SNAPC4: variants seen among roughly 807,000 people sequenced by gnomAD.
SNAPC4 encodes small nuclear RNA activating complex polypeptide 4, also known as snRNA-activating protein complex subunit 4.
SNAPC4 carries 127 observed loss-of-function variants against 151.3 expected under a neutral mutation model. The ratio of observed to expected loss-of-function variants is 0.84; its 90% CI spans 0.73 to 0.97. SNAPC4 has a LOEUF of 0.97. Among genes scored for constraint, SNAPC4 ranks in the 50% least tolerant of loss-of-function variants. SNAPC4 has a pLI of 0.00. For missense variants in SNAPC4, 2,186 were observed against 1,935.0 expected (o/e 1.13, Z -2.43); for synonymous variants, 1,002 against 824.4 (o/e 1.22, Z -3.69).
At position 136,392,695 on chromosome 9, in the gene SNAPC4, C is replaced by G; in HGVS notation, c.715G>C (p.Glu239Gln). The change falls in exon 8 of 24, where the codon GAG (glutamate) becomes CAG (glutamine). Residue 239 changes from glutamate to glutamine, a missense_variant. Coordinates refer to ENST00000684778, the MANE Select transcript of SNAPC4 (RefSeq NM_003086.4). ...CACTTGATGTCCTGGATCTCCTTCT[C>G]GGCTTCCCTGCCCTGCTTCTCCAGG... ...QALEKQGREAEKEIQDINQLP... is the reference protein window; with the variant it reads ...QALEKQGREAQKEIQDINQLP... 1.2e-6 allele frequency: 2 copies of G among 1,613,782 alleles called. No homozygotes were observed. Among genetic ancestry groups the G allele is most frequent in the South Asian group, 2.2e-5 (2 of 91,086 alleles).
chr9:136,387,963 T>A (rs1833946131), intron 11 of SNAPC4, 115 bp from the exon 12 acceptor site: 2 of 688,520 alleles, frequency 2.9e-6, no homozygotes, highest in East Asian at 5.1e-5. Context: ...TCCAGATGGG[T>A]CACATAGAAA....
At position 136,375,629 on chromosome 9, in the gene SNAPC4, G is replaced by C. The variant is rs1240885028; in HGVS notation, c.*179C>G. On this transcript the variant is annotated 3_prime_UTR_variant, in exon 24 of 24. Coordinates refer to ENST00000684778, the MANE Select transcript of SNAPC4 (RefSeq NM_003086.4). Reference sequence around the variant, plus strand: ...CTCCAAGTGTTCAGGTGTGCACTTGGGGAACAGCCATGCTCCATGCCACAC... The same window carrying C: ...CTCCAAGTGTTCAGGTGTGCACTTGCGGAACAGCCATGCTCCATGCCACAC... 6.6e-6 allele frequency: 1 copy of C among 152,374 alleles called. No homozygotes were observed. Among genetic ancestry groups the C allele is most frequent in the African/African-American group, 2.4e-5 (1 of 41,442 alleles). 9.4% of individuals were successfully genotyped at this position (152,374 alleles called of 1,614,324 possible).
intron 1 of SNAPC4, chr9:136,398,710 G>A: frequency 2.8e-6 from 1 of 357,874 alleles, no homozygotes; most frequent in Non-Finnish European, 5.3e-6. Flanking sequence ...CACAGGCAGG[G>A]AGTGGATGAA....
chr9:136,392,195 A>C (rs1834101541), intron 9 of SNAPC4, 89 bp from the exon 10 acceptor site: 7 of 1,511,948 alleles, frequency 4.6e-6, no homozygotes, highest in Non-Finnish European at 5.5e-6. Context: ...GCTCTCCGCC[A>C]GCTGGAGGCT....
intron 20 of SNAPC4, 83 bp downstream of exon 20, chr9:136,380,657 G>C: frequency 1.3e-6 from 1 of 751,038 alleles, no homozygotes; most frequent in South Asian, 1.6e-5. Flanking sequence ...CGGGTGGGGC[G>C]GGCAGCCAGC....
chr9:136,378,546 A>G lies in SNAPC4; in HGVS notation c.3281T>C (p.Val1094Ala), dbSNP rs772643044. 3.1e-6 allele frequency: 5 copies of G among 1,593,150 alleles called. No individual in the cohort carries two copies. In the Admixed American group the frequency reaches 8.6e-5, roughly 27 times the overall value. ...GGTCCCTGCTGGCCTGGGAAGGCTC[A>G]CCACAGCTGGTACAGGAACAGGGAG... ...GLLPVPVPAV[V>A]SLPRPAGTPG... Residue 1094 changes from valine (V) to alanine (A), a missense_variant, in exon 22 of 24, where the codon GTG (valine) becomes GCG (alanine). By Grantham distance (64) the Val-to-Ala change is moderately conservative (BLOSUM62 0). Transcript: ENST00000684778.
rs370117199 is a variant in SNAPC4, at chr9:136,377,573, C to T, written c.4254G>A (p.Pro1418=). The part of the protein sequence containing the change: ...ELELADRDGQ[P]GCTTATCPIQ... ...TGGGGCATGTGGCTGTCGTGCAGCCCGGCTGCCCGTCCCTGTCTGCAAGTT... is the reference window on the plus strand; with the variant it reads ...TGGGGCATGTGGCTGTCGTGCAGCCTGGCTGCCCGTCCCTGTCTGCAAGTT... Residue 1418 remains proline, a synonymous_variant, in exon 22 of 24, where the codon CCG becomes CCA. Transcript: ENST00000684778. 92 of 1,521,962 alleles carry T rather than the reference C, an allele frequency of 6.0e-5. No homozygotes were observed. In the South Asian group the frequency reaches 7.2e-4, roughly 12 times the overall value. The allele number at this position is 1,521,962 out of a possible 1,614,324, so 94.3% of individuals were successfully genotyped here.
chr9:136,392,374 G>T, intron 9 of SNAPC4, 148 bp downstream of exon 9: 1 of 866,134 alleles, frequency 1.2e-6, no homozygotes, highest in Non-Finnish European at 1.9e-6. Flanking sequence ...CCCGACTGTG[G>T]GACATGTGCT....
intron 14 of SNAPC4, 21 bp downstream of exon 14, chr9:136,384,699 A>T (rs1206078853): frequency 1.7e-6 from 2 of 1,204,516 alleles, no homozygotes; most frequent in Admixed American, 2.2e-5. Flanking sequence ...AAACTAGAAG[A>T]ACAAACTGTC....
Position 136,380,434 on chromosome 9 carries a change from G to A in SNAPC4, c.2499+306C>T, listed in dbSNP as rs2131461762. ...TGAGGAGGCCTCGCTGAACTTCTGT[G>A]AGTTTGGTTTCTGGAGCAGAAAGGC... On this transcript the variant is annotated intron_variant, in intron 20 of 23. Coordinates refer to ENST00000684778, the MANE Select transcript of SNAPC4 (RefSeq NM_003086.4). Among the ~76,000 whole-genome samples, 3 of 152,334 alleles carry A rather than the reference G, an allele frequency of 2.0e-5. No individual in the cohort carries two copies. The South Asian group carries it at 6.2e-4, about 32-fold the overall frequency.
intron 3 of SNAPC4, 66 bp from the exon 4 acceptor site, chr9:136,395,836 C>CAGT: frequency 6.6e-7 from 1 of 1,512,166 alleles, no homozygotes; most frequent in South Asian, 1.2e-5. Flanking sequence ...CCTCGGCAGC[C>CAGT]AGTCGCCCAT....
At position 136,378,229 on chromosome 9, in the gene SNAPC4, G is replaced by A. The variant is rs147445542; in HGVS notation, c.3598C>T (p.Pro1200Ser). 5.0e-6 allele frequency: 8 copies of A among 1,611,516 alleles called. 1 individual carries two copies. In the African/African-American group the frequency reaches 8.0e-5, roughly 16 times the overall value. Residue 1200 changes from proline (P) to serine (S), a missense_variant, in exon 22 of 24, where the codon CCC becomes TCC. Physicochemically the swap from Pro to Ser is moderately conservative, Grantham distance 74 (BLOSUM62 -1). Coordinates refer to ENST00000684778, the MANE Select transcript of SNAPC4 (RefSeq NM_003086.4). ...GCTGGCAGCCTCCCGGACCAAGGGGGTTCTGCTTCAGGAGGGTCAGCGTGG... is the reference window on the plus strand; with the variant it reads ...GCTGGCAGCCTCCCGGACCAAGGGGATTCTGCTTCAGGAGGGTCAGCGTGG... ...SSHADPPEAE[P>S]PWSGRLPAFG...
Position 136,398,294 on chromosome 9 carries a change from C to G in SNAPC4, c.130+5G>C. ...ACCCCAGGAGGCTAGGTACAAGGGG[C>G]TTACCTGCTTCAGAATCTGACTCGA... On this transcript the variant is annotated splice_donor_5th_base_variant and intron_variant, in intron 2 of 23. Transcript: ENST00000684778. 7.4e-6 allele frequency: 12 copies of G among 1,612,352 alleles called. No individual in the cohort carries two copies. Among genetic ancestry groups the G allele is most frequent in the Non-Finnish European group, 1.0e-5 (12 of 1,178,774 alleles).
intron 10 of SNAPC4, among the ~76,000 whole-genome samples, chr9:136,391,684 A>C (rs1834079381): frequency 6.6e-6 from 1 of 152,154 alleles, no homozygotes; most frequent in Non-Finnish European, 1.5e-5. Flanking sequence ...AAGGAGACAA[A>C]CTCCGGTAAA....
At position 136,377,811 on chromosome 9, in the gene SNAPC4, C is replaced by T. The variant is rs375189693; in HGVS notation, c.4016G>A (p.Arg1339Gln). The change falls in exon 22 of 24, where the codon CGG becomes CAG. Residue 1339 changes from arginine (R) to glutamine (Q), a missense_variant. By Grantham distance (43) the Arg-to-Gln change is conservative. Coordinates refer to ENST00000684778, the MANE Select transcript of SNAPC4 (RefSeq NM_003086.4). ...TGAGGCTTGCAGTGCTCCGGCCGGC[C>T]GCTCAGCCTCGCCCCCCACCACCAG... is the stretch of plus-strand genomic sequence containing the variant. ...TSLVVGGEAE[R>Q]PAGALQASLG... 90 of 1,611,534 alleles carry T rather than the reference C, an allele frequency of 5.6e-5. No homozygotes were observed. Among genetic ancestry groups the T allele is most frequent in the East Asian group, 4.5e-4 (20 of 44,868 alleles).
intron 16 of SNAPC4, among the ~76,000 whole-genome samples, chr9:136,382,646 C>G (rs1833741687): frequency 6.6e-6 from 1 of 152,334 alleles, no homozygotes; most frequent in Non-Finnish European, 1.5e-5. Context: ...AGCAGCGAGC[C>G]CCATGCACCT....
chr9:136,381,485 C>T (rs948849054), intron 18 of SNAPC4, 93 bp from the exon 19 acceptor site: 6 of 1,189,174 alleles, frequency 5.0e-6, no homozygotes, highest in South Asian at 2.5e-5. Context: ...ACGTGCCTTT[C>T]GAGGCGGCTC....
At position 136,395,428 on chromosome 9, in the gene SNAPC4, GAC is replaced by G. The variant is rs769386309; in HGVS notation, c.346-7_346-6del. On this transcript the variant is annotated splice_polypyrimidine_tract_variant and splice_region_variant and intron_variant, in intron 4 of 23. Coordinates refer to ENST00000684778, the MANE Select transcript of SNAPC4 (RefSeq NM_003086.4). ...CAGATCCCTCATGAGTTCCTCCTGT[GAC>G]AGACACAAGGCAGGGACCCCTCTAT... is the stretch of plus-strand genomic sequence containing the variant. The G allele has an allele frequency of 1.4e-5, 22 of 1,611,964 alleles. No individual in the cohort carries two copies. The South Asian group carries it at 2.4e-4, about 18-fold the overall frequency.
In SNAPC4 at chr9:136,383,483, T is replaced by C. The variant is rs768515684; in HGVS notation, c.1686A>G (p.Pro562=). 1 of 1,567,996 alleles carries C rather than the reference T, an allele frequency of 6.4e-7. No individual in the cohort carries two copies. Residue 562 remains proline, a synonymous_variant, in exon 16 of 24, where the codon CCA becomes CCG. Transcript: ENST00000684778. The surrounding 1 kb of genome is among the most constrained non-coding windows in gnomAD (Gnocchi z 4.2). ...AGEGDRALLS[P]QYMVPDMDLW... ...GGTCCATGTCCGGGACCATGTACTGTGGGGACAGCAGCGCTCTGTCACCCT... is the reference window on the plus strand; with the variant it reads ...GGTCCATGTCCGGGACCATGTACTGCGGGGACAGCAGCGCTCTGTCACCCT...
Sources: allele counts gnomAD v4.1 joint callset (sites outside exome capture counted in the v4.1 genomes callset), GRCh38; gene constraint gnomAD v4.1.1; non-coding constraint Gnocchi (gnomAD v3.1); transcripts MANE v1.5; gene names NCBI Gene and HGNC (gene_info 2026-07-23, HGNC 2026-07-21).